GNA15: variants seen among roughly 807,000 people sequenced by gnomAD.
The protein encoded by GNA15 is G protein subunit alpha 15.
A neutral mutation model predicts 40.1 loss-of-function variants in GNA15; 23 were observed. The ratio of observed to expected loss-of-function variants is 0.57; its 90% CI spans 0.41 to 0.81. The LOEUF (loss-of-function observed/expected upper bound fraction) is 0.81, where lower values mean the gene tolerates loss of function less well. GNA15 is among the 40% of genes least tolerant of loss of function. GNA15 has a pLI of 0.00. For synonymous variants in GNA15, 226 were observed against 210.4 expected (o/e 1.07, Z -0.64); for missense variants, 522 against 515.8 (o/e 1.01, Z -0.12).
intron 1 of GNA15, among the ~76,000 whole-genome samples, chr19:3,144,824 G>A (rs554861914): frequency 1.4e-5 from 2 of 141,874 alleles, no homozygotes; most frequent in African/African-American, 5.3e-5. Context: ...CACCGGGCCC[G>A]GCCCTTTATT....
chr19:3,148,528 G>A (rs754149979), intron 1 of GNA15, 63 bp from the exon 2 acceptor site: 49 of 1,462,186 alleles, frequency 3.4e-5, no homozygotes, highest in Non-Finnish European at 4.3e-5. Flanking sequence ...CTGACGTGGG[G>A]TTGGGGGTGT....
intron 1 of GNA15, among the ~76,000 whole-genome samples, chr19:3,148,380 G>A (rs1358246476): frequency 6.6e-6 from 1 of 152,180 alleles, no homozygotes; most frequent in South Asian, 2.1e-4. Flanking sequence ...GAGCCACCGT[G>A]CCCAGCCTGA....
At chr19:3,143,450 G>A (rs963356701) in intron 1 of GNA15, among the ~76,000 whole-genome samples, 5 of 152,098 alleles carry the variant, frequency 3.3e-5, no homozygotes, top group African/African-American at 7.2e-5. Context: ...CCAGGAGTTC[G>A]AGACCAGCCT....
chr19:3,141,327 C>T (rs1328895322), intron 1 of GNA15, among the ~76,000 whole-genome samples: 1 of 152,068 alleles, frequency 6.6e-6, no homozygotes, highest in Admixed American at 6.6e-5. Flanking sequence ...AGAAAGTGAA[C>T]AACAACAAAA....
intron 2 of GNA15, chr19:3,149,889 G>T (rs1568296542): frequency 1.3e-5 from 6 of 450,904 alleles, no homozygotes; most frequent in Non-Finnish European, 2.0e-5. Flanking sequence ...GGGCTCGCCC[G>T]AGCACATGTG....
rs1914847079 is a variant in GNA15, at chr19:3,150,259, A to G, written c.459A>G (p.Glu153=). ...GGGCCTGCTATGAGCGTCGGCGGGA[A>G]TTCCACCTGCTCGATTCAGCCGTGT... ...GIRACYERRR[E]FHLLDSAVYY... Residue 153 remains glutamate (E), a synonymous_variant, in exon 3 of 7, where the codon GAA becomes GAG. Transcript: ENST00000262958. 3.7e-6 allele frequency: 6 copies of G among 1,603,458 alleles called. No individual in the cohort carries two copies. In the East Asian group the frequency reaches 1.3e-4, roughly 36 times the overall value.
Position 3,151,713 on chromosome 19 carries a change from G to A in GNA15, c.492G>A (p.Leu164=). Residue 164 remains leucine (L), a synonymous_variant, in exon 4 of 7, where the codon CTG becomes CTA. Coordinates refer to ENST00000262958, the MANE Select transcript of GNA15 (RefSeq NM_002068.4). The surrounding 1 kb of genome is among the most constrained non-coding windows in gnomAD (Gnocchi z 5.0). ...FHLLDSAVYY[L]SHLERITEEG... The stretch of plus-strand genomic sequence containing the variant: ...AGGACTCCTTGCTCTGCAGCTACCT[G>A]TCCCACCTGGAGCGCATCACCGAGG... 1 of 1,597,076 alleles carries A rather than the reference G, an allele frequency of 6.3e-7. No homozygotes were observed. Among genetic ancestry groups the A allele is most frequent in the Non-Finnish European group, 8.5e-7 (1 of 1,172,642 alleles).
intron 1 of GNA15, among the ~76,000 whole-genome samples, chr19:3,138,964 T>TG (rs1914518886): frequency 7.9e-6 from 1 of 126,860 alleles, no homozygotes; most frequent in Non-Finnish European, 1.7e-5. Flanking sequence ...TCTTTTTTTT[T>TG]AGATTGAGTC....
At chr19:3,137,958 G>A (rs1264166466) in intron 1 of GNA15, among the ~76,000 whole-genome samples, 2 of 151,876 alleles carry the variant, frequency 1.3e-5, no homozygotes. Context: ...AAGACTCATT[G>A]TCAATAAATA....
intron 1 of GNA15, among the ~76,000 whole-genome samples, chr19:3,147,761 C>T (rs1256071221): frequency 2.0e-5 from 3 of 150,634 alleles, no homozygotes; most frequent in East Asian, 4.0e-4. Context: ...GTGGCGGGTG[C>T]CTGTAGTCCC....
chr19:3,150,063 A>C, intron 2 of GNA15, 68 bp from the exon 3 acceptor site: 1 of 1,394,648 alleles, frequency 7.2e-7, no homozygotes, highest in Non-Finnish European at 1.0e-6. Context: ...GGGGGCTTGC[A>C]GAGATGCCTG....
At position 3,155,648 on chromosome 19, in the gene GNA15, T is replaced by C. The variant is rs1914993775; in HGVS notation, c.615-175T>C. Among the ~76,000 whole-genome samples, 1 of 152,092 alleles carries C rather than the reference T, an allele frequency of 6.6e-6. No individual in the cohort carries two copies. Among genetic ancestry groups the C allele is most frequent in the Admixed American group, 6.6e-5 (1 of 15,266 alleles). On this transcript the variant is annotated intron_variant, in intron 4 of 6. Coordinates refer to ENST00000262958, the MANE Select transcript of GNA15 (RefSeq NM_002068.4). This position sits in a 1 kb window ranked among gnomAD's most constrained non-coding sequence, Gnocchi z 5.6. ...GATCTCAGGCTTCTCATCTGTAAAA[T>C]GGGCGTAAGACTCATCCTTGCCTCG...
chr19:3,149,237 ACT>A (rs1914817711), intron 2 of GNA15: 1 of 167,448 alleles, frequency 6.0e-6, no homozygotes, highest in African/African-American at 2.4e-5. Flanking sequence ...ACGTGTACAC[ACT>A]CACAAACACA....
intron 1 of GNA15, among the ~76,000 whole-genome samples, chr19:3,144,127 C>CAA (rs367866195): frequency 0.017 from 2,086 of 124,848 alleles, 78 homozygotes; most frequent in African/African-American, 0.051. Flanking sequence ...GACTCCCTCT[C>CAA]AAAAAAAAAA....
At position 3,136,522 on chromosome 19, in the gene GNA15, G is replaced by C; in HGVS notation, c.72G>C (p.Val24=). 1 of 1,567,184 alleles carries C rather than the reference G, an allele frequency of 6.4e-7. No homozygotes were observed. The highest frequency in any genetic ancestry group is 8.6e-7 in the Non-Finnish European group (1 of 1,156,326). ...LTEDEKAAAR[V]DQEINRILLE... ...AGGATGAGAAGGCCGCCGCCCGGGT[G>C]GACCAGGAGATCAACAGGATCCTCT... The change falls in exon 1 of 7, where the codon GTG becomes GTC. Residue 24 remains valine, a synonymous_variant. Coordinates refer to ENST00000262958, the MANE Select transcript of GNA15 (RefSeq NM_002068.4). This position sits in a 1 kb window ranked among gnomAD's most constrained non-coding sequence, Gnocchi z 4.9.
chr19:3,163,341 G>C lies in GNA15; in HGVS notation c.*322G>C. The C allele has an allele frequency of 2.5e-6, 1 of 394,726 alleles. No homozygotes were observed. Among genetic ancestry groups the C allele is most frequent in the South Asian group, 2.5e-5 (1 of 40,028 alleles). 24.5% of individuals were successfully genotyped at this position (394,726 alleles called of 1,614,324 possible). Reference sequence around the variant, plus strand: ...TTGGGTGGGTGGGCATCTCTCAGGAGCCCCATCTCCGGGCGTGTCACCTCC... The same window carrying C: ...TTGGGTGGGTGGGCATCTCTCAGGACCCCCATCTCCGGGCGTGTCACCTCC... On this transcript the variant is annotated 3_prime_UTR_variant, in exon 7 of 7. Coordinates refer to ENST00000262958, the MANE Select transcript of GNA15 (RefSeq NM_002068.4).
In GNA15 at chr19:3,151,738, G is replaced by T; in HGVS notation, c.517G>T (p.Glu173Ter). ...GTCCCACCTGGAGCGCATCACCGAG[G>T]AGGGCTACGTCCCCACAGCTCAGGA... is the stretch of plus-strand genomic sequence containing the variant. ...YLSHLERITE[E>*]GYVPTAQDVL... is the part of the protein sequence containing the mutation. The change falls in exon 4 of 7, where the codon GAG becomes TAG. Residue 173 changes from glutamate to a stop codon, truncating the protein, a stop_gained. Transcript: ENST00000262958. LOFTEE classifies it high-confidence loss of function. This position sits in a 1 kb window ranked among gnomAD's most constrained non-coding sequence, Gnocchi z 5.0. 1 of 1,608,942 alleles carries T rather than the reference G, an allele frequency of 6.2e-7. No homozygotes were observed. The highest frequency in any genetic ancestry group is 8.5e-7 in the Non-Finnish European group (1 of 1,177,988).
intron 1 of GNA15, among the ~76,000 whole-genome samples, chr19:3,138,716 C>T (rs199996970): frequency 2.0e-5 from 3 of 152,004 alleles, no homozygotes; most frequent in East Asian, 1.9e-4. Context: ...CTGCAACCTC[C>T]GCCTCCCGGG....
In GNA15 at chr19:3,151,107, G is replaced by A. The variant is rs190100211; in HGVS notation, c.486-600G>A. On this transcript the variant is annotated intron_variant, in intron 3 of 6. Coordinates refer to ENST00000262958, the MANE Select transcript of GNA15 (RefSeq NM_002068.4). The surrounding 1 kb of genome is among the most constrained non-coding windows in gnomAD (Gnocchi z 5.0). ...ATTCCTAGAGAACCCTGTTCCCGGA[G>A]TGACCCTATTCCTGGCGGGAACCTG... is the stretch of plus-strand genomic sequence containing the variant. Among the ~76,000 whole-genome samples, 2 of 151,934 alleles carry A rather than the reference G, an allele frequency of 1.3e-5. No individual in the cohort carries two copies. The highest frequency in any genetic ancestry group is 4.8e-5 in the African/African-American group (2 of 41,410).
Sources: gnomAD v4.1 joint callset for allele counts (sites outside exome capture counted in the v4.1 genomes callset) on GRCh38, gnomAD v4.1.1 for gene constraint, Gnocchi (gnomAD v3.1) non-coding constraint, MANE v1.5 for transcripts, NCBI Gene and HGNC (gene_info 2026-07-23, HGNC 2026-07-21) for gene names.